STK32B: variants seen among roughly 807,000 people sequenced by gnomAD.
STK32B encodes serine/threonine-protein kinase 32B.
Under a neutral mutation model 52.6 loss-of-function variants are expected in STK32B, and 43 were observed. That is an observed-to-expected ratio of 0.82 (90% confidence interval 0.64 to 1.05). The LOEUF (loss-of-function observed/expected upper bound fraction) is 1.05, where lower values mean the gene tolerates loss of function less well. Ranked by LOEUF, STK32B falls within the 50% of genes least tolerant of loss-of-function variation. The probability of loss-of-function intolerance (pLI) is 0.00; values close to 1 mark genes in which losing one functional copy is unlikely to be tolerated. For synonymous variants in STK32B, 238 were observed against 204.3 expected, an observed-to-expected ratio of 1.17 and a Z score of -1.41; for missense variants, 621 against 534.6, an observed-to-expected ratio of 1.16 and a Z score of -1.59.
intron 1 of STK32B, among the ~76,000 whole-genome samples, chr4:5,087,710 A>C (rs1054032436): frequency 6.6e-6 from 1 of 152,034 alleles, no homozygotes; most frequent in African/African-American, 2.4e-5. Context: ...TAAGGATATT[A>C]TATAATAATA....
At chr4:5,126,090 A>G (rs1478881604) in intron 1 of STK32B, among the ~76,000 whole-genome samples, 1 of 152,068 alleles carries the variant, frequency 6.6e-6, no homozygotes, top group Non-Finnish European at 1.5e-5. Flanking sequence ...GTTCTCCATT[A>G]TGTTCCATTC....
At chr4:5,181,754 T>C (rs1720382625) in intron 3 of STK32B, among the ~76,000 whole-genome samples, 1 of 152,268 alleles carries the variant, frequency 6.6e-6, no homozygotes, top group South Asian at 2.1e-4. Flanking sequence ...TGCTAATGAT[T>C]ATCTGAGTCT....
chr4:5,247,947 A>G (rs751560026), intron 3 of STK32B, among the ~76,000 whole-genome samples: 3 of 152,138 alleles, frequency 2.0e-5, no homozygotes, highest in Non-Finnish European at 4.4e-5. Context: ...TGATTAAAAC[A>G]CATGCCTCTT....
intron 3 of STK32B, among the ~76,000 whole-genome samples, chr4:5,327,303 C>G (rs1356421756): frequency 6.6e-6 from 1 of 150,564 alleles, no homozygotes; most frequent in East Asian, 1.9e-4. Flanking sequence ...CATGAATGTT[C>G]TTAATGACAA....
chr4:5,479,447 G>T (rs1718512930), intron 11 of STK32B, among the ~76,000 whole-genome samples: 1 of 152,136 alleles, frequency 6.6e-6, no homozygotes, highest in Non-Finnish European at 1.5e-5. Flanking sequence ...AGAATTGGAG[G>T]AATATTCCAT....
rs927819339 is a variant in STK32B, at chr4:5,469,292, A to G, written c.1106+1222A>G. 1.3e-5 allele frequency among the ~76,000 whole-genome samples: 2 copies of G among 152,222 alleles called. No individual in the cohort carries two copies. Among genetic ancestry groups the G allele is most frequent in the Non-Finnish European group, 2.9e-5 (2 of 68,040 alleles). ...GTATTCAACCGTTTTGGCTTTCAGCAGATGCTAACAGCGCAGGAAACACGT... is the reference window on the plus strand; with the variant it reads ...GTATTCAACCGTTTTGGCTTTCAGCGGATGCTAACAGCGCAGGAAACACGT... On this transcript the variant is annotated intron_variant, in intron 11 of 11. Transcript: ENST00000282908. This position sits in a 1 kb window ranked among gnomAD's most constrained non-coding sequence, Gnocchi z 4.7.
At chr4:5,482,809 T>G (rs1428536212) in intron 11 of STK32B, among the ~76,000 whole-genome samples, 1 of 152,208 alleles carries the variant, frequency 6.6e-6, no homozygotes, top group Admixed American at 6.5e-5. Flanking sequence ...GTTGCTGAAT[T>G]TTGTCAAAGG....
chr4:5,446,900 C>A, intron 7 of STK32B, 124 bp downstream of exon 7: 1 of 875,792 alleles, frequency 1.1e-6, no homozygotes, highest in Non-Finnish European at 1.8e-6. Context: ...TCACTGCCCC[C>A]CAGGTTTCAG....
At chr4:5,306,107 C>T (rs927382103) in intron 3 of STK32B, among the ~76,000 whole-genome samples, 2 of 151,988 alleles carry the variant, frequency 1.3e-5, no homozygotes, top group South Asian at 4.1e-4. Context: ...TTTGTTGAGG[C>T]TTGTTTGTGG....
intron 2 of STK32B, among the ~76,000 whole-genome samples, chr4:5,143,382 CT>C (rs1026972436): frequency 2.0e-5 from 3 of 152,198 alleles, no homozygotes; most frequent in African/African-American, 7.2e-5. Flanking sequence ...TGTTGTATAT[CT>C]GACAGGTGCC....
At chr4:5,043,690 G>C in the STK32B span, among the ~76,000 whole-genome samples, 3 of 152,198 alleles carry the variant, frequency 2.0e-5, no homozygotes, top group Non-Finnish European at 2.9e-5. Context: ...TCTCCAGCAG[G>C]GCTTCAGGTG....
chr4:5,329,094 G>T (rs991147871), intron 3 of STK32B, among the ~76,000 whole-genome samples: 21 of 152,188 alleles, frequency 1.4e-4, no homozygotes, highest in African/African-American at 4.8e-4. Flanking sequence ...CAGGAATATT[G>T]GGAACGTCCT....
At position 5,409,271 on chromosome 4, in the gene STK32B, A is replaced by G. The variant is rs190543156; in HGVS notation, c.473-7574A>G. On this transcript the variant is annotated intron_variant, in intron 5 of 11. Coordinates refer to ENST00000282908, the MANE Select transcript of STK32B (RefSeq NM_018401.3). ...TTGTGATACAGGAGGTAGCAAAGAA[A>G]GGAGTGGGAGAGGATGCTAAGTGTG... Among the ~76,000 whole-genome samples the G allele has an allele frequency of 2.7e-4, 41 of 152,242 alleles. No homozygotes were observed. The East Asian group carries it at 7.3e-3, about 27-fold the overall frequency.
chr4:5,088,672 G>T (rs1341803519), intron 1 of STK32B, among the ~76,000 whole-genome samples: 1 of 151,874 alleles, frequency 6.6e-6, no homozygotes, highest in Non-Finnish European at 1.5e-5. Flanking sequence ...CAGTTTCCAT[G>T]ATGTGATTAT....
At chr4:5,163,783 T>G (rs1443879706) in intron 2 of STK32B, among the ~76,000 whole-genome samples, 2 of 152,218 alleles carry the variant, frequency 1.3e-5, no homozygotes, top group South Asian at 4.1e-4. Context: ...AAATTCTCCC[T>G]ATTTCTGAAA....
chr4:5,148,689 G>A (rs568046018), intron 2 of STK32B, among the ~76,000 whole-genome samples: 3 of 151,940 alleles, frequency 2.0e-5, no homozygotes, highest in African/African-American at 7.2e-5. Context: ...ACTTGAAAAG[G>A]ATGTGTATTT....
At chr4:5,196,243 A>G (rs777396379) in intron 3 of STK32B, among the ~76,000 whole-genome samples, 12 of 151,296 alleles carry the variant, frequency 7.9e-5, no homozygotes, top group Admixed American at 4.6e-4. Context: ...ATGACACTGA[A>G]TGCTGAGGGC....
intron 3 of STK32B, among the ~76,000 whole-genome samples, chr4:5,305,755 G>T (rs1577319511): frequency 6.6e-6 from 1 of 152,082 alleles, no homozygotes. Context: ...GTTGGGTTTG[G>T]TTTTTTCTTG....
intron 11 of STK32B, among the ~76,000 whole-genome samples, chr4:5,481,978 G>T (rs186989226): frequency 0.01 from 1,563 of 152,222 alleles, 20 homozygotes; most frequent in African/African-American, 0.035. Context: ...TGCTGTTTTG[G>T]TTACTGTAGT....
Sources: allele counts gnomAD v4.1 joint callset (sites outside exome capture counted in the v4.1 genomes callset), GRCh38; gene constraint gnomAD v4.1.1; non-coding constraint Gnocchi (gnomAD v3.1); transcripts MANE v1.5; gene names NCBI Gene and HGNC (gene_info 2026-07-23, HGNC 2026-07-21).